Variants in TCF7L2 observed in about 807,000 individuals in gnomAD.
The protein encoded by TCF7L2 is transcription factor 7 like 2.
TCF7L2 carries 23 observed loss-of-function variants against 77.9 expected under a neutral mutation model. That is an observed-to-expected ratio of 0.30 (90% CI 0.21 to 0.42). TCF7L2 has a LOEUF of 0.42. Ranked by LOEUF, TCF7L2 falls within the 10% of genes least tolerant of loss-of-function variation. The pLI is 1.00. For missense variants in TCF7L2, 654 were observed against 793.1 expected (o/e 0.82, Z 2.11); for synonymous variants, 413 against 340.2 (o/e 1.21, Z -2.36).
intron 8 of TCF7L2, among the ~76,000 whole-genome samples, chr10:113,149,223 G>C (rs290488): frequency 0.95 from 144,901 of 152,312 alleles, 69,028 homozygotes; most frequent in East Asian, 1. Context: ...CTCCCAAGGG[G>C]TTTTGCTTTT....
intron 4 of TCF7L2, among the ~76,000 whole-genome samples, chr10:112,992,373 C>T (rs1197774956): frequency 2.0e-5 from 3 of 152,124 alleles, no homozygotes; most frequent in African/African-American, 4.8e-5. Context: ...GCATGCCCTC[C>T]GGGAGACACC....
chr10:112,974,113 C>A (rs1391989520), intron 4 of TCF7L2, among the ~76,000 whole-genome samples: 2 of 152,148 alleles, frequency 1.3e-5, no homozygotes, highest in Non-Finnish European at 2.9e-5. Flanking sequence ...TTGTCTAAGC[C>A]AATAGCAATT....
chr10:113,102,963 C>T (rs2061831424), intron 5 of TCF7L2, among the ~76,000 whole-genome samples: 1 of 152,224 alleles, frequency 6.6e-6, no homozygotes, highest in African/African-American at 2.4e-5. Flanking sequence ...CTAACATGTA[C>T]TCAGCACTTA....
At chr10:112,988,505 T>C (rs1398727212) in intron 4 of TCF7L2, among the ~76,000 whole-genome samples, 1 of 152,236 alleles carries the variant, frequency 6.6e-6, no homozygotes. Flanking sequence ...GGTCACTCTC[T>C]ACCTGCCTCC....
intron 4 of TCF7L2, among the ~76,000 whole-genome samples, chr10:113,024,625 T>TTG (rs2048809723): frequency 6.9e-6 from 1 of 143,936 alleles, no homozygotes; most frequent in South Asian, 2.2e-4. Context: ...CCTTTTTTTT[T>TTG]TTTTTTTTTT....
intron 5 of TCF7L2, among the ~76,000 whole-genome samples, chr10:113,132,435 A>C (rs1247098139): frequency 6.6e-6 from 1 of 152,222 alleles, no homozygotes; most frequent in African/African-American, 2.4e-5. Flanking sequence ...TTAATTCCCC[A>C]GGATGTAATA....
intron 6 of TCF7L2, among the ~76,000 whole-genome samples, chr10:113,142,698 T>C (rs2068591662): frequency 2.0e-5 from 3 of 152,222 alleles, no homozygotes; most frequent in Admixed American, 6.5e-5. Context: ...CTTGGATGCC[T>C]GGTGGCCTCC....
chr10:113,022,062 AT>A (rs1454918192), intron 4 of TCF7L2, among the ~76,000 whole-genome samples: 1 of 152,212 alleles, frequency 6.6e-6, no homozygotes, highest in African/African-American at 2.4e-5. Context: ...GGAAAAAAAA[AT>A]CAAGACATGG....
At chr10:113,026,985 A>G (rs1185819723) in intron 4 of TCF7L2, among the ~76,000 whole-genome samples, 1 of 152,238 alleles carries the variant, frequency 6.6e-6, no homozygotes, top group Non-Finnish European at 1.5e-5. Context: ...TTTAAAGACT[A>G]AAACCACAAA....
intron 11 of TCF7L2, among the ~76,000 whole-genome samples, chr10:113,153,730 C>G (rs2071246866): frequency 6.6e-6 from 1 of 152,208 alleles, no homozygotes; most frequent in Non-Finnish European, 1.5e-5. Context: ...TTACTGTGCA[C>G]AAGTTATTAC....
chr10:113,078,684 C>G (rs1311787380), intron 5 of TCF7L2, among the ~76,000 whole-genome samples: 1 of 151,896 alleles, frequency 6.6e-6, no homozygotes, highest in Admixed American at 6.6e-5. Context: ...GTTTGTTGCT[C>G]TTTCTGTAGG....
intron 5 of TCF7L2, among the ~76,000 whole-genome samples, chr10:113,057,272 C>T (rs1208456196): frequency 1.3e-5 from 2 of 152,184 alleles, no homozygotes; most frequent in African/African-American, 2.4e-5. Flanking sequence ...TGGGTTCCAG[C>T]GATTCTCCTG....
chr10:113,160,572 C>G (rs746855599), intron 12 of TCF7L2: 19 of 1,532,806 alleles, frequency 1.2e-5, no homozygotes, highest in Non-Finnish European at 1.5e-5. Context: ...CAACTGAGCA[C>G]GACCCACCAT....
chr10:113,129,606 A>C, intron 5 of TCF7L2: 1 of 1,138,100 alleles, frequency 8.8e-7, no homozygotes, highest in Admixed American at 4.4e-5. Context: ...GGGAAGGATT[A>C]ACAAGATAAT....
At chr10:113,014,328 T>A (rs745531482) in intron 4 of TCF7L2, among the ~76,000 whole-genome samples, 2 of 152,212 alleles carry the variant, frequency 1.3e-5, no homozygotes, top group Non-Finnish European at 2.9e-5. Flanking sequence ...TGCTGCTAGT[T>A]ACACTCCTTC....
At chr10:113,052,600 C>T (rs1256016220) in intron 5 of TCF7L2, among the ~76,000 whole-genome samples, 1 of 152,254 alleles carries the variant, frequency 6.6e-6, no homozygotes, top group Non-Finnish European at 1.5e-5. Flanking sequence ...GACGTAGGCT[C>T]AGGAGCTGGA....
At chr10:113,144,050 C>T (rs1304047695) in intron 7 of TCF7L2, 25 bp downstream of exon 7, 1 of 1,581,220 alleles carries the variant, frequency 6.3e-7, no homozygotes, top group Non-Finnish European at 8.7e-7. Flanking sequence ...TTTTTAATTT[C>T]CTTTTTGTTT....
At chr10:113,072,510 G>A (rs574802546) in intron 5 of TCF7L2, among the ~76,000 whole-genome samples, 30 of 151,862 alleles carry the variant, frequency 2.0e-4, no homozygotes, top group Admixed American at 6.6e-4. Context: ...GTGTGCCACC[G>A]CCTCCAGCTA....
intron 4 of TCF7L2, among the ~76,000 whole-genome samples, chr10:112,991,980 C>T (rs1327769139): frequency 6.6e-6 from 1 of 152,218 alleles, no homozygotes; most frequent in African/African-American, 2.4e-5. Context: ...TGCATATAGA[C>T]CTCAGGATGG....
Sources: gnomAD v4.1 joint callset for allele counts (sites outside exome capture counted in the v4.1 genomes callset) on GRCh38, gnomAD v4.1.1 for gene constraint, MANE v1.5 for transcripts, NCBI Gene and HGNC (gene_info 2026-07-23, HGNC 2026-07-21) for gene names.